Variants in BBS4 observed in about 807,000 individuals in gnomAD.
The protein encoded by BBS4 is BBSome complex member BBS4.
In BBS4, 58 loss-of-function variants were observed where a neutral mutation model predicts 71.4. The ratio of observed to expected loss-of-function variants is 0.81; its 90% CI spans 0.66 to 1.01. BBS4 has a LOEUF of 1.01. Among genes scored for constraint, BBS4 ranks in the 50% least tolerant of loss-of-function variants. The pLI is 0.00. For missense variants in BBS4, 660 were observed against 607.9 expected (o/e 1.09, Z -0.90); for synonymous variants, 228 against 216.8 (o/e 1.05, Z -0.46).
intron 2 of BBS4, 112 bp from the exon 3 acceptor site, chr15:72,709,588 A>T: frequency 1.2e-6 from 1 of 818,622 alleles, no homozygotes; most frequent in Non-Finnish European, 2.1e-6. Flanking sequence ...AGTAGCATCA[A>T]AATTTTAATG....
intron 2 of BBS4, among the ~76,000 whole-genome samples, chr15:72,700,003 G>A (rs1211643419): frequency 6.6e-6 from 1 of 152,130 alleles, no homozygotes; most frequent in Non-Finnish European, 1.5e-5. Context: ...GCAGTGGTGC[G>A]ATCTCAGCTC....
intron 6 of BBS4, among the ~76,000 whole-genome samples, chr15:72,717,673 C>A (rs564911700): frequency 8.4e-4 from 128 of 152,200 alleles, no homozygotes; most frequent in African/African-American, 2.9e-3. Flanking sequence ...CACTGCCACT[C>A]TAAACAAAAT....
intron 1 of BBS4, among the ~76,000 whole-genome samples, chr15:72,691,621 A>G (rs58429461): frequency 0.044 from 6,682 of 152,248 alleles, 482 homozygotes; most frequent in African/African-American, 0.15. Flanking sequence ...CAATTAACTT[A>G]TCCATTCCAC....
At chr15:72,732,233 T>TA (rs2065839381) in intron 12 of BBS4, among the ~76,000 whole-genome samples, 1 of 152,194 alleles carries the variant, frequency 6.6e-6, no homozygotes, top group Non-Finnish European at 1.5e-5. Flanking sequence ...ATATTGTTGT[T>TA]ACTATAATTG....
chr15:72,686,232 C>G lies in BBS4; in HGVS notation c.5C>G (p.Ala2Gly), dbSNP rs923399180. 9 of 1,565,340 alleles carry G rather than the reference C, an allele frequency of 5.7e-6. No homozygotes were observed. The highest frequency in any genetic ancestry group is 2.4e-5 in the South Asian group (2 of 85,012). Residue 2 changes from alanine (A) to glycine (G), a missense_variant, in exon 1 of 16, where the codon GCT (alanine) becomes GGT (glycine). By Grantham distance (60) the Ala-to-Gly change is moderately conservative. Coordinates refer to ENST00000268057, the MANE Select transcript of BBS4 (RefSeq NM_033028.5). ...GCAGCGGTGGGCTGAGCTAAAATGG[C>G]TGAGGAGAGAGTCGCGACGGTGAGC... Reference protein sequence around the residue: MAEERVATRTQF... With the variant: MGEERVATRTQF...
At chr15:72,703,242 C>T (rs909903186) in intron 2 of BBS4, among the ~76,000 whole-genome samples, 1 of 152,132 alleles carries the variant, frequency 6.6e-6, no homozygotes, top group East Asian at 1.9e-4. Context: ...CTTCCCTCCC[C>T]GACCTTCAGG....
chr15:72,707,267 G>A (rs1012883357), intron 2 of BBS4, among the ~76,000 whole-genome samples: 2 of 141,930 alleles, frequency 1.4e-5, no homozygotes, highest in African/African-American at 2.6e-5. Flanking sequence ...TAACCTCCCC[G>A]CACCAGGTTC....
At chr15:72,702,341 C>T (rs1486096017) in intron 2 of BBS4, among the ~76,000 whole-genome samples, 1 of 152,086 alleles carries the variant, frequency 6.6e-6, no homozygotes. Flanking sequence ...CCTTTAGGGC[C>T]TTAATTTCCT....
intron 8 of BBS4, among the ~76,000 whole-genome samples, chr15:72,725,619 C>CA (rs2065657048): frequency 6.6e-6 from 1 of 152,088 alleles, no homozygotes; most frequent in African/African-American, 2.4e-5. Context: ...CAAAACAAAA[C>CA]AAAACATTTG....
intron 2 of BBS4, chr15:72,704,599 G>A (rs372452167): frequency 4.1e-6 from 2 of 488,512 alleles, no homozygotes; most frequent in Non-Finnish European, 7.0e-6. Flanking sequence ...ACAGCAACAG[G>A]CCCAGCACAG....
At chr15:72,735,385 C>T in intron 13 of BBS4, 3 of 600,390 alleles carry the variant, frequency 5.0e-6, no homozygotes, top group East Asian at 3.0e-5. Context: ...AAAATGTTTC[C>T]AGTCCTAAAC....
At position 72,738,273 on chromosome 15, in the gene BBS4, C is replaced by A. The variant is rs1231683340; in HGVS notation, c.*686C>A. The A allele has an allele frequency of 2.2e-6, 1 of 453,686 alleles. No homozygotes were observed. The highest frequency in any genetic ancestry group is 7.0e-5 in the East Asian group (1 of 14,382). 28.1% of individuals were successfully genotyped at this position (453,686 alleles called of 1,614,324 possible). A position where few individuals can be genotyped will look rare whatever the true frequency, so the allele number is the denominator to read the frequency against. On this transcript the variant is annotated 3_prime_UTR_variant, in exon 16 of 16. Transcript: ENST00000268057. ...AGCCCAGGGCTTGTCTGGATCAGCACCAACGATTTTAAAGAAAAAAGGAAG... is the reference window on the plus strand; with the variant it reads ...AGCCCAGGGCTTGTCTGGATCAGCAACAACGATTTTAAAGAAAAAAGGAAG...
chr15:72,693,048 A>G (rs1034396554), intron 1 of BBS4, among the ~76,000 whole-genome samples: 1 of 152,116 alleles, frequency 6.6e-6, no homozygotes, highest in Admixed American at 6.6e-5. Flanking sequence ...AATGAGTACC[A>G]AAGAAATTAA....
At chr15:72,701,014 C>G (rs2065160452) in intron 2 of BBS4, among the ~76,000 whole-genome samples, 2 of 152,102 alleles carry the variant, frequency 1.3e-5, no homozygotes, top group African/African-American at 4.8e-5. Flanking sequence ...CATAATTGTA[C>G]TGTGCAGTGA....
chr15:72,728,559 C>CT (rs796392973), intron 9 of BBS4, among the ~76,000 whole-genome samples: 86 of 152,064 alleles, frequency 5.7e-4, no homozygotes, highest in African/African-American at 2.0e-3. Context: ...TAACTCTGGT[C>CT]TTGGAGGCTG....
chr15:72,694,387 C>T (rs2065039754), intron 1 of BBS4, among the ~76,000 whole-genome samples: 2 of 152,090 alleles, frequency 1.3e-5, no homozygotes, highest in African/African-American at 2.4e-5. Context: ...GACGGGGTTT[C>T]ACCATGTTGT....
intron 2 of BBS4, chr15:72,704,567 G>A (rs967238050): frequency 1.5e-6 from 1 of 686,374 alleles, no homozygotes; most frequent in Non-Finnish European, 2.2e-6. Flanking sequence ...ATGATAAGTA[G>A]ATAATAATGG....
rs912967826 is a variant in BBS4, at chr15:72,736,803, TG to T, written c.1294del (p.Glu432ArgfsTer37). The T allele has an allele frequency of 1.9e-6, 3 of 1,614,198 alleles. No homozygotes were observed. Among genetic ancestry groups the T allele is most frequent in the Non-Finnish European group, 2.5e-6 (3 of 1,180,040 alleles). The stretch of plus-strand genomic sequence containing the variant: ...AGAAGTTGGGAGCTGCTCTCCAGGT[TG>T]GGGAGGCACTGGTCTGGACCAAACC... ...AQKLGAALQV[G>X]EALVWTKPVK... is the part of the protein sequence containing the mutation. On this transcript the variant is annotated frameshift_variant, in exon 15 of 16. Transcript: ENST00000268057. LOFTEE classifies it high-confidence loss of function.
intron 5 of BBS4, among the ~76,000 whole-genome samples, chr15:72,716,170 T>G (rs187985146): frequency 6.6e-6 from 1 of 152,348 alleles, no homozygotes; most frequent in East Asian, 1.9e-4. Flanking sequence ...CATCATAAGT[T>G]GAGGAGCATC....
Sources: allele counts gnomAD v4.1 joint callset (sites outside exome capture counted in the v4.1 genomes callset), GRCh38; gene constraint gnomAD v4.1.1; transcripts MANE v1.5; gene names NCBI Gene and HGNC (gene_info 2026-07-23, HGNC 2026-07-21).